The following PLEKHG3 variants were observed in gnomAD, a reference collection of about 807,000 sequenced individuals.
PLEKHG3 encodes the protein pleckstrin homology and RhoGEF domain containing G3.
Under a neutral mutation model 94.9 loss-of-function variants are expected in PLEKHG3, and 62 were observed. That is an observed-to-expected ratio of 0.65 (90% CI 0.53 to 0.81). The LOEUF (loss-of-function observed/expected upper bound fraction) is 0.81, where lower values mean the gene tolerates loss of function less well. PLEKHG3 is among the 30% of genes least tolerant of loss of function. The pLI, the probability that PLEKHG3 is intolerant of heterozygous loss-of-function variation, is 0.00. For synonymous variants in PLEKHG3, 614 were observed against 654.0 expected (o/e 0.94, Z 0.93); for missense variants, 1,461 against 1,619.3 (o/e 0.90, Z 1.68).
At position 64,718,381 on chromosome 14, in the gene PLEKHG3, A is replaced by C. The variant is rs1009855026; in HGVS notation, c.-39-9212A>C. Among the ~76,000 whole-genome samples the C allele has an allele frequency of 4.0e-5, 6 of 151,690 alleles. No homozygotes were observed. The highest frequency in any genetic ancestry group is 1.5e-4 in the African/African-American group (6 of 41,220). On this transcript the variant is annotated intron_variant, in intron 1 of 16. Coordinates refer to ENST00000247226, the MANE Select transcript of PLEKHG3 (RefSeq NM_001308147.2). This position sits in a 1 kb window ranked among gnomAD's most constrained non-coding sequence, Gnocchi z 5.0. ...ATTCCCAAACTGGAGGCAGTCTTGA[A>C]CTCCCATACTGCTCATGCCTGGATT...
In PLEKHG3 at chr14:64,738,397, C is replaced by G. The variant is rs1481990131; in HGVS notation, c.1405-345C>G. On this transcript the variant is annotated intron_variant, in intron 14 of 16. Coordinates refer to ENST00000247226, the MANE Select transcript of PLEKHG3 (RefSeq NM_001308147.2). This position sits in a 1 kb window ranked among gnomAD's most constrained non-coding sequence, Gnocchi z 4.8. ...CACCCTGGTGAGCCCCTGGCATGCT[C>G]TGTTCCAGTACTGGGCACTAATCAA... 3.3e-5 allele frequency among the ~76,000 whole-genome samples: 5 copies of G among 152,176 alleles called. No homozygotes were observed. The East Asian group carries it at 9.6e-4, about 29-fold the overall frequency.
intron 1 of PLEKHG3, among the ~76,000 whole-genome samples, chr14:64,724,195 C>T (rs17180090): frequency 0.15 from 23,210 of 151,816 alleles, 1,867 homozygotes; most frequent in African/African-American, 0.19. Flanking sequence ...GGTTCCAATC[C>T]GGTGTCTTAG....
chr14:64,719,529 G>A (rs2081227518), intron 1 of PLEKHG3, among the ~76,000 whole-genome samples: 1 of 151,996 alleles, frequency 6.6e-6, no homozygotes, highest in Non-Finnish European at 1.5e-5. Flanking sequence ...CAGGAAAAGT[G>A]GAGGGCCTGG....
Position 64,749,735 on chromosome 14 carries a change from T to G in PLEKHG3, c.*6032T>G, listed in dbSNP as rs1566729982. The stretch of plus-strand genomic sequence containing the variant: ...GGGTTTCCTGTCATGGAGACACCTC[T>G]GGAGGGGGCGCTGGGCAGAGGGCTG... On this transcript the variant is annotated 3_prime_UTR_variant, in exon 17 of 17. Coordinates refer to ENST00000247226, the MANE Select transcript of PLEKHG3 (RefSeq NM_001308147.2). This position sits in a 1 kb window ranked among gnomAD's most constrained non-coding sequence, Gnocchi z 4.7. 1.9e-6 allele frequency: 3 copies of G among 1,608,560 alleles called. No individual in the cohort carries two copies. The highest frequency in any genetic ancestry group is 1.7e-4 in the Middle Eastern group (1 of 6,056).
chr14:64,737,207 G>A (rs1411042112), intron 13 of PLEKHG3, 149 bp from the exon 14 acceptor site: 2 of 691,814 alleles, frequency 2.9e-6, no homozygotes, highest in Non-Finnish European at 5.3e-6. Context: ...AAGCCCAGGA[G>A]ACTAGGTGAG....
chr14:64,743,282 A>T lies in PLEKHG3; in HGVS notation c.3239A>T (p.His1080Leu), dbSNP rs1230434835. 16 of 1,607,522 alleles carry T rather than the reference A, an allele frequency of 1.0e-5. No homozygotes were observed. The East Asian group carries it at 3.6e-4, about 36-fold the overall frequency. The change falls in exon 17 of 17, where the codon CAC (histidine) becomes CTC (leucine). Residue 1080 changes from histidine (H) to leucine (L), a missense_variant. His to Leu is a moderately conservative substitution (Grantham distance 99). Coordinates refer to ENST00000247226, the MANE Select transcript of PLEKHG3 (RefSeq NM_001308147.2). This position sits in a 1 kb window ranked among gnomAD's most constrained non-coding sequence, Gnocchi z 7.2. ...CGCGGCCCACCCGTCAACAGGAGCC[A>T]CTCGGTGCCGGAGAACATGGTAGAG... ...RPRGPPVNRS[H>L]SVPENMVEPP... is the part of the protein sequence containing the mutation.
Position 64,743,495 on chromosome 14 carries a change from C to G in PLEKHG3, c.3452C>G (p.Pro1151Arg). ...NRRVIVMEKG[P>R]LPSPTAGLEE... ...CGGGTGATTGTCATGGAGAAGGGAC[C>G]CCTTCCCAGCCCCACTGCAGGGCTG... The change falls in exon 17 of 17, where the codon CCC (proline) becomes CGC (arginine). Residue 1151 changes from proline to arginine, a missense_variant. Pro to Arg is a moderately radical substitution (Grantham distance 103). Transcript: ENST00000247226. The surrounding 1 kb of genome is among the most constrained non-coding windows in gnomAD (Gnocchi z 7.2). 2 of 1,613,104 alleles carry G rather than the reference C, an allele frequency of 1.2e-6. No homozygotes were observed. Among genetic ancestry groups the G allele is most frequent in the Non-Finnish European group, 1.7e-6 (2 of 1,179,974 alleles).
Position 64,726,523 on chromosome 14 carries a change from C to T in PLEKHG3, c.-39-1070C>T, listed in dbSNP as rs1359938589. ...CCCTGTCCTTCCCAAAGGCTGCAGC[C>T]TGAAGTAGTCTGGCCACTCCACCCT... On this transcript the variant is annotated intron_variant, in intron 1 of 16. Coordinates refer to ENST00000247226, the MANE Select transcript of PLEKHG3 (RefSeq NM_001308147.2). The surrounding 1 kb of genome is among the most constrained non-coding windows in gnomAD (Gnocchi z 5.1). Among the ~76,000 whole-genome samples, 2 of 152,160 alleles carry T rather than the reference C, an allele frequency of 1.3e-5. No individual in the cohort carries two copies. Among genetic ancestry groups the T allele is most frequent in the African/African-American group, 4.8e-5 (2 of 41,416 alleles).
At position 64,709,813 on chromosome 14, in the gene PLEKHG3, G is replaced by T. The variant is rs190147918; in HGVS notation, c.-40+5109G>T. On this transcript the variant is annotated intron_variant, in intron 1 of 16. Coordinates refer to ENST00000247226, the MANE Select transcript of PLEKHG3 (RefSeq NM_001308147.2). ...TTCTCATATAGCTTCTATTCCTTCA[G>T]TTCATTGCTACATCCCCAGTGCCTG... is the stretch of plus-strand genomic sequence containing the variant. Among the ~76,000 whole-genome samples the T allele has an allele frequency of 9.8e-4, 148 of 151,678 alleles. 1 individual carries two copies. The highest frequency in any genetic ancestry group is 3.4e-3 in the Middle Eastern group (1 of 294).
chr14:64,731,847 C>A lies in PLEKHG3; in HGVS notation c.1125+41C>A. 7.1e-7 allele frequency: 1 copy of A among 1,410,858 alleles called. No individual in the cohort carries two copies. The highest frequency in any genetic ancestry group is 1.0e-6 in the Non-Finnish European group (1 of 996,770). 87.4% of individuals were successfully genotyped at this position (1,410,858 alleles called of 1,614,324 possible). The stretch of plus-strand genomic sequence containing the variant: ...GGCTCAGGGGCTAGGGAACAAGATG[C>A]CCAGGGGACACCTGCGTGGGACTCC... On this transcript the variant is annotated intron_variant, in intron 9 of 16. Coordinates refer to ENST00000247226, the MANE Select transcript of PLEKHG3 (RefSeq NM_001308147.2). The surrounding 1 kb of genome is among the most constrained non-coding windows in gnomAD (Gnocchi z 6.1).
In PLEKHG3 at chr14:64,749,824, T is replaced by C; in HGVS notation, c.*6121T>C. ...CCCTCTCAGGCAGCCCAGCACTTTC[T>C]GAGAGGTCAAAGTCTGGACCATCAG... is the stretch of plus-strand genomic sequence containing the variant. On this transcript the variant is annotated 3_prime_UTR_variant, in exon 17 of 17. Coordinates refer to ENST00000247226, the MANE Select transcript of PLEKHG3 (RefSeq NM_001308147.2). The surrounding 1 kb of genome is among the most constrained non-coding windows in gnomAD (Gnocchi z 4.7). 1 of 1,491,282 alleles carries C rather than the reference T, an allele frequency of 6.7e-7. No individual in the cohort carries two copies. The highest frequency in any genetic ancestry group is 9.2e-7 in the Non-Finnish European group (1 of 1,082,630). The allele number at this position is 1,491,282 out of a possible 1,614,324, so 92.4% of individuals were successfully genotyped here.
In PLEKHG3 at chr14:64,721,438, C is replaced by T. The variant is rs2081260414; in HGVS notation, c.-39-6155C>T. On this transcript the variant is annotated intron_variant, in intron 1 of 16. Coordinates refer to ENST00000247226, the MANE Select transcript of PLEKHG3 (RefSeq NM_001308147.2). The surrounding 1 kb of genome is among the most constrained non-coding windows in gnomAD (Gnocchi z 4.3). Reference sequence around the variant, plus strand: ...CCATGTGGGAGGGCTCCCCTGGCAACACAATCCTTTTCCTTCCTGGCAGCT... The same window carrying T: ...CCATGTGGGAGGGCTCCCCTGGCAATACAATCCTTTTCCTTCCTGGCAGCT... Among the ~76,000 whole-genome samples, 3 of 152,208 alleles carry T rather than the reference C, an allele frequency of 2.0e-5. No homozygotes were observed. The highest frequency in any genetic ancestry group is 7.2e-5 in the African/African-American group (3 of 41,444).
rs776620575 is a variant in PLEKHG3 at position 64,731,804 on chromosome 14, C to T, written c.1123C>T (p.Gln375Ter). The T allele has an allele frequency of 6.2e-7, 1 of 1,609,126 alleles. No homozygotes were observed. The highest frequency in any genetic ancestry group is 8.5e-7 in the Non-Finnish European group (1 of 1,175,728). ...GCACAGCAAGCAGCAGTACAGCATC[C>T]AGGTGAGGGGAAGGTGGGGCTCAGG... ...YKHSKQQYSI[Q>*]AKTVEEKRNW... The change falls in exon 9 of 17, where the codon CAG (glutamine) becomes TAG (stop). Residue 375 changes from glutamine (Q) to a stop codon, truncating the protein, a stop_gained and splice_region_variant. Transcript: ENST00000247226. LOFTEE classifies it high-confidence loss of function. The surrounding 1 kb of genome is among the most constrained non-coding windows in gnomAD (Gnocchi z 6.1).
chr14:64,713,168 G>A (rs375261440), intron 1 of PLEKHG3, among the ~76,000 whole-genome samples: 2 of 152,204 alleles, frequency 1.3e-5, no homozygotes, highest in Non-Finnish European at 2.9e-5. Flanking sequence ...TGGTCATAAT[G>A]TATGGTTGTG....
chr14:64,743,178 C>T lies in PLEKHG3; in HGVS notation c.3135C>T (p.Phe1045=), dbSNP rs920210437. 6.2e-7 allele frequency: 1 copy of T among 1,610,676 alleles called. No homozygotes were observed. Among genetic ancestry groups the T allele is most frequent in the Non-Finnish European group, 8.5e-7 (1 of 1,179,872 alleles). The change falls in exon 17 of 17, where the codon TTC becomes TTT. Residue 1045 remains phenylalanine, a synonymous_variant. Coordinates refer to ENST00000247226, the MANE Select transcript of PLEKHG3 (RefSeq NM_001308147.2). The surrounding 1 kb of genome is among the most constrained non-coding windows in gnomAD (Gnocchi z 7.2). Reference sequence around the variant, plus strand: ...GCCCCCTCAGCCCCACAGAGACCTTCAGCTGGCCCGACGTCCGTGAGCTCT... The same window carrying T: ...GCCCCCTCAGCCCCACAGAGACCTTTAGCTGGCCCGACGTCCGTGAGCTCT... ...ARSPLSPTET[F]SWPDVRELCS...
chr14:64,738,634 C>A lies in PLEKHG3; in HGVS notation c.1405-108C>A. 2.5e-6 allele frequency: 2 copies of A among 799,416 alleles called. No homozygotes were observed. The highest frequency in any genetic ancestry group is 1.6e-5 in the South Asian group (1 of 63,236). The allele number at this position is 799,416 out of a possible 1,614,324, so 49.5% of individuals were successfully genotyped here. A position where few individuals can be genotyped will look rare whatever the true frequency, so the allele number is the denominator to read the frequency against. The stretch of plus-strand genomic sequence containing the variant: ...ATGGCTCAGGTCCAAGACTGGCTCT[C>A]AGCTCAGCCCAGCCCCTTGGGGCGT... On this transcript the variant is annotated intron_variant, in intron 14 of 16. Transcript: ENST00000247226. The surrounding 1 kb of genome is among the most constrained non-coding windows in gnomAD (Gnocchi z 4.8).
chr14:64,731,773 C>T lies in PLEKHG3; in HGVS notation c.1092C>T (p.His364=). 2.5e-6 allele frequency: 4 copies of T among 1,613,688 alleles called. No homozygotes were observed. The highest frequency in any genetic ancestry group is 2.5e-6 in the Non-Finnish European group (3 of 1,179,746). ...TRDSLCFTVT[H]YKHSKQQYSI... ...ACTCCCTGTGCTTCACTGTCACCCA[C>T]TACAAGCACAGCAAGCAGCAGTACA... The change falls in exon 9 of 17, where the codon CAC becomes CAT. Residue 364 remains histidine (H), a synonymous_variant. Transcript: ENST00000247226. This position sits in a 1 kb window ranked among gnomAD's most constrained non-coding sequence, Gnocchi z 6.1.
At chr14:64,733,458 G>A (rs540232593) in intron 12 of PLEKHG3, among the ~76,000 whole-genome samples, 1 of 152,224 alleles carries the variant, frequency 6.6e-6, no homozygotes, top group South Asian at 2.1e-4. Flanking sequence ...GTGAGCCACT[G>A]TACCCGTCCA....
At position 64,742,449 on chromosome 14, in the gene PLEKHG3, G is replaced by A. The variant is rs759356924; in HGVS notation, c.2932G>A (p.Gly978Ser). The change falls in exon 16 of 17, where the codon GGC becomes AGC. Residue 978 changes from glycine to serine, a missense_variant. By Grantham distance (56) the Gly-to-Ser change is moderately conservative. Coordinates refer to ENST00000247226, the MANE Select transcript of PLEKHG3 (RefSeq NM_001308147.2). ...LQEEAGEPLG[G>S]KGKRKPVLSL... is the part of the protein sequence containing the mutation. ...GGAAGAGGCTGGAGAGCCATTAGGT[G>A]GCAAAGGTATGACAGAAGCGGCAAG... The A allele has an allele frequency of 6.2e-7, 1 of 1,604,640 alleles. No individual in the cohort carries two copies. Among genetic ancestry groups the A allele is most frequent in the Non-Finnish European group, 8.5e-7 (1 of 1,174,724 alleles).
Sources: gnomAD v4.1 joint callset for allele counts (sites outside exome capture counted in the v4.1 genomes callset) on GRCh38, gnomAD v4.1.1 for gene constraint, Gnocchi (gnomAD v3.1) non-coding constraint, MANE v1.5 for transcripts, NCBI Gene and HGNC (gene_info 2026-07-23, HGNC 2026-07-21) for gene names.